DMD: variants seen among roughly 807,000 people sequenced by gnomAD.
The protein encoded by DMD is mutant dystrophin.
In DMD, 63 loss-of-function variants were observed where a neutral mutation model predicts 330.1. The observed-to-expected ratio is 0.19, with a 90% CI of 0.16 to 0.24. DMD has a LOEUF of 0.24. Ranked by LOEUF, DMD falls within the 10% of genes least tolerant of loss-of-function variation. DMD has a pLI of 1.00. For synonymous variants in DMD, 1,223 were observed against 959.8 expected (o/e 1.27, Z -5.07); for missense variants, 3,344 against 2,684.1 (o/e 1.25, Z -5.43).
chrX:31,120,777 T>G lies in DMD; in HGVS notation c.*1142A>C, dbSNP rs985817741. The G allele has an allele frequency of 3.6e-5, 4 of 110,492 alleles. No individual in the cohort carries two copies. Among genetic ancestry groups the G allele is most frequent in the Admixed American group, 9.8e-5 (1 of 10,229 alleles). The allele number at this position is 110,492 out of a possible 1,213,427, so 9.1% of individuals were successfully genotyped here. A position where few individuals can be genotyped will look rare whatever the true frequency, so the allele number is the denominator to read the frequency against. On this transcript the variant is annotated 3_prime_UTR_variant, in exon 79 of 79. Coordinates refer to ENST00000357033, the MANE Select transcript of DMD (RefSeq NM_004006.3). Reference sequence around the variant, plus strand: ...GGGAGTTAAAAAATACCTTCTGATGTTCACAAGGTCAGAATACCTTCTGAT... The same window carrying G: ...GGGAGTTAAAAAATACCTTCTGATGGTCACAAGGTCAGAATACCTTCTGAT...
At chrX:31,988,807 C>T (rs936902930) in intron 44 of DMD, among the ~76,000 whole-genome samples, 2 of 110,436 alleles carry the variant, frequency 1.8e-5, no homozygotes, top group South Asian at 3.9e-4. Context: ...CTCTCTCTCT[C>T]GAAACCAGAG....
At chrX:33,214,725 C>G (rs1480664823), upstream of DMD, among the ~76,000 whole-genome samples, 1 of 111,890 alleles carries the variant, frequency 8.9e-6, no homozygotes, top group Middle Eastern at 4.2e-3. Flanking sequence ...ACAATCATAC[C>G]TCGTTATAGT....
intron 60 of DMD, among the ~76,000 whole-genome samples, chrX:31,356,493 G>C (rs1366450186): frequency 9.0e-6 from 1 of 111,259 alleles, no homozygotes; most frequent in African/African-American, 3.3e-5. Flanking sequence ...AGACAAGCGA[G>C]GCAGGATATG....
intron 29 of DMD, among the ~76,000 whole-genome samples, chrX:32,436,129 A>T (rs1213158207): frequency 8.9e-6 from 1 of 112,117 alleles, no homozygotes; most frequent in Non-Finnish European, 1.9e-5. Flanking sequence ...ATCCCATGGG[A>T]GGCAGACACA....
intron 44 of DMD, among the ~76,000 whole-genome samples, chrX:31,990,286 T>C (rs1475411050): frequency 1.8e-5 from 2 of 111,926 alleles, no homozygotes; most frequent in Non-Finnish European, 3.8e-5. Flanking sequence ...GTTCTTTTCC[T>C]AGATAGTTTA....
At chrX:33,126,038 C>CAAA (rs138942998) in intron 1 of DMD, among the ~76,000 whole-genome samples, 8 of 93,804 alleles carry the variant, frequency 8.5e-5, no homozygotes, top group Admixed American at 1.2e-4. Context: ...GACTCCGTCT[C>CAAA]AAGAAAAAAA....
chrX:33,034,603 G>C (rs1477399592), intron 1 of DMD, among the ~76,000 whole-genome samples: 1 of 111,821 alleles, frequency 8.9e-6, no homozygotes, highest in East Asian at 2.8e-4. Flanking sequence ...CATAGAATTT[G>C]GAAAAGATAA....
intron 74 of DMD, among the ~76,000 whole-genome samples, chrX:31,154,536 C>T (rs1251033134): frequency 9.1e-6 from 1 of 109,715 alleles, no homozygotes; most frequent in African/African-American, 3.3e-5. Context: ...CCTCGTGATC[C>T]GCCTGCCTCG....
chrX:32,399,197 C>CAT (rs2147769096), intron 30 of DMD, among the ~76,000 whole-genome samples: 1 of 111,756 alleles, frequency 8.9e-6, no homozygotes, highest in African/African-American at 3.2e-5. Context: ...TGAACCATAC[C>CAT]ACACAAGCAC....
Position 31,417,572 on chromosome X carries a change from G to A in DMD, c.9084+26909C>T, listed in dbSNP as rs148766234. On this transcript the variant is annotated intron_variant, in intron 60 of 78. Transcript: ENST00000357033. ...TTTGAATGCAAAAGTACTAATGACT[G>A]CAGGGGAGGGATGTTTTCTATATCT... Among the ~76,000 whole-genome samples, 550 of 111,966 alleles carry A rather than the reference G, an allele frequency of 4.9e-3. 4 individuals are homozygous for A. The highest frequency in any genetic ancestry group is 0.017 in the African/African-American group (524 of 30,896).
chrX:32,795,284 G>A (rs2076103438), intron 7 of DMD, among the ~76,000 whole-genome samples: 1 of 111,784 alleles, frequency 8.9e-6, no homozygotes, highest in Admixed American at 9.5e-5. Context: ...ATAGAACAAT[G>A]GAATAGATTA....
chrX:32,592,824 G>A (rs1488070187), intron 13 of DMD, among the ~76,000 whole-genome samples: 3 of 112,128 alleles, frequency 2.7e-5, no homozygotes, highest in East Asian at 2.8e-4. Context: ...GTGGTTCCTG[G>A]TGTCTCTGAG....
At chrX:32,584,784 T>A (rs773206424) in intron 13 of DMD, among the ~76,000 whole-genome samples, 3 of 112,054 alleles carry the variant, frequency 2.7e-5, no homozygotes, top group Admixed American at 1.9e-4. Context: ...TATGATACCA[T>A]AGGGCTTGAT....
intron 2 of DMD, 146 bp from the exon 3 acceptor site, chrX:32,849,966 G>A (rs1034218342): frequency 3.9e-6 from 2 of 513,579 alleles, no homozygotes; most frequent in South Asian, 6.5e-5. Flanking sequence ...ATGAAAAAAG[G>A]AAAGTTCAAA....
chrX:31,597,247 C>T (rs1305164026), intron 55 of DMD, among the ~76,000 whole-genome samples: 1 of 111,406 alleles, frequency 9.0e-6, no homozygotes, highest in Non-Finnish European at 1.9e-5. Context: ...TTAAAAAATA[C>T]TATGCAGGAA....
intron 43 of DMD, among the ~76,000 whole-genome samples, chrX:32,259,676 C>T (rs984861663): frequency 1.2e-4 from 13 of 111,221 alleles, no homozygotes; most frequent in South Asian, 7.5e-4. Context: ...GAGTTCGTTG[C>T]GATGAATACA....
rs188393318 is a variant in DMD, at chrX:32,302,229, A to G, written c.6117+7853T>C. Among the ~76,000 whole-genome samples, 78 of 111,374 alleles carry G rather than the reference A, an allele frequency of 7.0e-4. 1 individual carries two copies. The highest frequency in any genetic ancestry group is 5.9e-3 in the East Asian group (21 of 3,543). On this transcript the variant is annotated intron_variant, in intron 42 of 78. Coordinates refer to ENST00000357033, the MANE Select transcript of DMD (RefSeq NM_004006.3). ...GATATTCAACACTTTACTATAAAATAGGTCTTGTGTTCTATGACTTTGCGC... is the reference window on the plus strand; with the variant it reads ...GATATTCAACACTTTACTATAAAATGGGTCTTGTGTTCTATGACTTTGCGC...
In DMD at chrX:31,204,102, C is replaced by T. The variant is rs376647510; in HGVS notation, c.9666G>A (p.Val3222=). ...EDKYRYLFKQ[V]ASSTGFCDQR... Reference sequence around the variant, plus strand: ...GGTCACAAAATCCTGTTGAACTTGCCACTTGCTTGAAAAGGTCTACAAAGG... The same window carrying T: ...GGTCACAAAATCCTGTTGAACTTGCTACTTGCTTGAAAAGGTCTACAAAGG... Residue 3222 remains valine (V), a synonymous_variant, in exon 67 of 79, where the codon GTG becomes GTA. Transcript: ENST00000357033. The T allele has an allele frequency of 8.3e-7, 1 of 1,209,482 alleles. No individual in the cohort carries two copies. Among genetic ancestry groups the T allele is most frequent in the Non-Finnish European group, 1.1e-6 (1 of 895,019 alleles).
At chrX:31,221,926 C>T (rs1468881557) in intron 64 of DMD, among the ~76,000 whole-genome samples, 4 of 110,984 alleles carry the variant, frequency 3.6e-5, no homozygotes, top group Non-Finnish European at 7.6e-5. Flanking sequence ...GGCGTGGTGG[C>T]TCATGCCTGT....
Sources: gnomAD v4.1 joint callset for allele counts (sites outside exome capture counted in the v4.1 genomes callset) on GRCh38, gnomAD v4.1.1 for gene constraint, MANE v1.5 for transcripts, NCBI Gene and HGNC (gene_info 2026-07-23, HGNC 2026-07-21) for gene names.